The following OTOF variants were observed in gnomAD, a reference collection of about 807,000 sequenced individuals.
OTOF encodes fer-1-like family member 2.
In OTOF, 218 loss-of-function variants were observed where a neutral mutation model predicts 236.8. The observed-to-expected ratio is 0.92, with a 90% CI of 0.82 to 1.03. The LOEUF (loss-of-function observed/expected upper bound fraction) is 1.03. OTOF is among the 50% of genes least tolerant of loss of function. The pLI is 0.00. For synonymous variants in OTOF, 1,041 were observed against 1,072.5 expected, an observed-to-expected ratio of 0.97 and a Z score of 0.57; for missense variants, 2,590 against 2,694.4, an observed-to-expected ratio of 0.96 and a Z score of 0.86.
intron 6 of OTOF, among the ~76,000 whole-genome samples, chr2:26,502,819 T>C (rs114067202): frequency 2.2e-3 from 334 of 152,312 alleles, no homozygotes; most frequent in African/African-American, 7.6e-3. Context: ...CTATCTCTAG[T>C]CCTTAGAGCT....
Position 26,489,808 on chromosome 2 carries a change from C to G in OTOF, c.898-68G>C, listed in dbSNP as rs1213729294. On this transcript the variant is annotated intron_variant, in intron 9 of 46. Transcript: ENST00000272371. Reference sequence around the variant, plus strand: ...AGCAACAGCCCAGGCAGTGTTGGGCCCCTCCCTCCTCGCAGGGCCTGTCTG... The same window carrying G: ...AGCAACAGCCCAGGCAGTGTTGGGCGCCTCCCTCCTCGCAGGGCCTGTCTG... 12 of 1,235,264 alleles carry G rather than the reference C, an allele frequency of 9.7e-6. 1 individual carries two copies. The South Asian group carries it at 1.4e-4, about 15-fold the overall frequency. The allele number at this position is 1,235,264 out of a possible 1,614,324, so 76.5% of individuals were successfully genotyped here. A position where few individuals can be genotyped will look rare whatever the true frequency, so the allele number is the denominator to read the frequency against.
rs138002095 is a variant in OTOF, at chr2:26,543,462, T to A, written c.80-5688A>T. On this transcript the variant is annotated intron_variant, in intron 1 of 46. Coordinates refer to ENST00000272371, the MANE Select transcript of OTOF (RefSeq NM_194248.3). Reference sequence around the variant, plus strand: ...AAAGTCTAAGTAAAGCATCAAGTCCTTTACAAGCACGAGGGGGCATGGGAT... The same window carrying A: ...AAAGTCTAAGTAAAGCATCAAGTCCATTACAAGCACGAGGGGGCATGGGAT... 4.6e-3 allele frequency among the ~76,000 whole-genome samples: 693 copies of A among 152,278 alleles called. 5 individuals are homozygous for A. Among genetic ancestry groups the A allele is most frequent in the Non-Finnish European group, 7.9e-3 (539 of 68,024 alleles).
intron 1 of OTOF, among the ~76,000 whole-genome samples, chr2:26,548,814 C>G (rs979361964): frequency 6.6e-6 from 1 of 152,194 alleles, no homozygotes; most frequent in African/African-American, 2.4e-5. Context: ...TGTAAGTACA[C>G]TCTATGATGT....
At chr2:26,493,643 A>G (rs924467872) in intron 9 of OTOF, among the ~76,000 whole-genome samples, 1 of 152,206 alleles carries the variant, frequency 6.6e-6, no homozygotes, top group Non-Finnish European at 1.5e-5. Flanking sequence ...CGGCTCATGC[A>G]CCTAGAAGGA....
chr2:26,546,391 G>A (rs1046237670), intron 1 of OTOF, among the ~76,000 whole-genome samples: 14 of 151,948 alleles, frequency 9.2e-5, no homozygotes, highest in Non-Finnish European at 1.9e-4. Context: ...AACCCGGGAG[G>A]TGGAGGTTGC....
At chr2:26,503,716 G>C (rs1666176809) in intron 6 of OTOF, 56 bp downstream of exon 6, 4 of 1,499,204 alleles carry the variant, frequency 2.7e-6, no homozygotes, top group Non-Finnish European at 3.7e-6. Context: ...GCTGGAAAGC[G>C]GCGGGAGGGC....
In OTOF at chr2:26,494,927, C is replaced by T; in HGVS notation, c.897+15G>A. 1 of 1,614,150 alleles carries T rather than the reference C, an allele frequency of 6.2e-7. No individual in the cohort carries two copies. The highest frequency in any genetic ancestry group is 8.5e-7 in the Non-Finnish European group (1 of 1,180,000). On this transcript the variant is annotated intron_variant, in intron 9 of 46. Transcript: ENST00000272371. ...CCATATTTACAGAGGCTCCTTTCCCCACAGGGCCACTGACCTCGTTGTAAT... is the reference window on the plus strand; with the variant it reads ...CCATATTTACAGAGGCTCCTTTCCCTACAGGGCCACTGACCTCGTTGTAAT...
At chr2:26,523,828 G>T (rs1179182080) in intron 3 of OTOF, among the ~76,000 whole-genome samples, 1 of 152,234 alleles carries the variant, frequency 6.6e-6, no homozygotes, top group African/African-American at 2.4e-5. Flanking sequence ...GGAGCCTGGG[G>T]TCTGAACTGG....
At chr2:26,513,286 C>T (rs1457187981) in intron 5 of OTOF, among the ~76,000 whole-genome samples, 1 of 152,144 alleles carries the variant, frequency 6.6e-6, no homozygotes, top group Non-Finnish European at 1.5e-5. Flanking sequence ...CCATCTGACC[C>T]CCAGAGTGAG....
At chr2:26,482,686 G>T in intron 13 of OTOF, 94 bp from the exon 14 acceptor site, 1 of 1,041,844 alleles carries the variant, frequency 9.6e-7, no homozygotes, top group Non-Finnish European at 1.4e-6. Flanking sequence ...TGCGTGAGTG[G>T]GCACATGTGT....
Position 26,475,262 on chromosome 2 carries a change from G to A in OTOF, c.3126+97C>T, listed in dbSNP as rs552227879. Reference sequence around the variant, plus strand: ...GGCCAAGGAGCTCTGCAGGTGGGTGGCGGAGGTGAGGGCACAGCCTCAGCG... The same window carrying A: ...GGCCAAGGAGCTCTGCAGGTGGGTGACGGAGGTGAGGGCACAGCCTCAGCG... On this transcript the variant is annotated intron_variant, in intron 25 of 46. Transcript: ENST00000272371. 397 of 1,384,358 alleles carry A rather than the reference G, an allele frequency of 2.9e-4. 1 individual carries two copies. Among genetic ancestry groups the A allele is most frequent in the Non-Finnish European group, 3.9e-4 (376 of 976,390 alleles). 85.8% of individuals were successfully genotyped at this position (1,384,358 alleles called of 1,614,324 possible). A position where few individuals can be genotyped will look rare whatever the true frequency, so the allele number is the denominator to read the frequency against.
At chr2:26,459,552 CAAAA>C (rs58695074) in intron 46 of OTOF, among the ~76,000 whole-genome samples, 5 of 69,114 alleles carry the variant, frequency 7.2e-5, no homozygotes, top group Non-Finnish European at 1.5e-4. Flanking sequence ...ACTCTGTCTC[CAAAA>C]AAAAAAAAAA....
At chr2:26,478,396 T>A (rs1289633276) in intron 18 of OTOF, among the ~76,000 whole-genome samples, 2 of 152,138 alleles carry the variant, frequency 1.3e-5, no homozygotes, top group Non-Finnish European at 2.9e-5. Context: ...TAGCCTTGAT[T>A]TTTTTGGAGG....
In OTOF at chr2:26,460,194, G is replaced by A. The variant is rs777222994; in HGVS notation, c.5825C>T (p.Thr1942Met). The A allele has an allele frequency of 1.2e-5, 20 of 1,603,266 alleles. No homozygotes were observed. The highest frequency in any genetic ancestry group is 2.1e-4 in the Middle Eastern group (1 of 4,688). ...AGGGTTCAGGAACCAGATGAAGCTC[G>A]TGTCGGGCCGGCTGGAGTATGAAGG... The part of the protein sequence containing the change: ...DPLEKPNRPD[T>M]SFIWFLNPLK... Residue 1942 changes from threonine (T) to methionine (M), a missense_variant, in exon 46 of 47, where the codon ACG (threonine) becomes ATG (methionine). Thr to Met is a moderately conservative substitution (Grantham distance 81). This residue lies in a region of OTOF where 1,211 missense variants were observed against 1,352.8 expected (regional missense o/e 0.90). Transcript: ENST00000272371. This position sits in a 1 kb window ranked among gnomAD's most constrained non-coding sequence, Gnocchi z 5.3.
chr2:26,520,834 C>T (rs1666659746), intron 3 of OTOF, among the ~76,000 whole-genome samples: 1 of 152,206 alleles, frequency 6.6e-6, no homozygotes, highest in Admixed American at 6.5e-5. Flanking sequence ...TGCAGCCTCA[C>T]CCCTTTTTGT....
rs765083847 is a variant in OTOF at position 26,480,224 on chromosome 2, T to A, written c.1891A>T (p.Ile631Phe). Residue 631 changes from isoleucine to phenylalanine, a missense_variant, in exon 16 of 47, where the codon ATC becomes TTC. Transcript: ENST00000272371. Reference protein sequence around the residue: ...MIDRRNGDKPITFEVTIGNYG... With the variant: ...MIDRRNGDKPFTFEVTIGNYG... Reference sequence around the variant, plus strand: ...TCACCTATGGTGACCTCAAAGGTGATGGGCTTGTCTCCGTTTCTCCGGTCG... The same window carrying A: ...TCACCTATGGTGACCTCAAAGGTGAAGGGCTTGTCTCCGTTTCTCCGGTCG... The A allele has an allele frequency of 1.9e-5, 30 of 1,611,562 alleles. No homozygotes were observed. The highest frequency in any genetic ancestry group is 2.4e-5 in the Non-Finnish European group (28 of 1,178,374).
chr2:26,464,460 G>A (rs1664631531), intron 39 of OTOF, among the ~76,000 whole-genome samples: 1 of 152,116 alleles, frequency 6.6e-6, no homozygotes, highest in Non-Finnish European at 1.5e-5. Context: ...GCTTCTCTGG[G>A]AAGTGCCTCA....
chr2:26,488,593 C>T (rs1490522956), intron 11 of OTOF, among the ~76,000 whole-genome samples: 1 of 152,230 alleles, frequency 6.6e-6, no homozygotes, highest in Non-Finnish European at 1.5e-5. Flanking sequence ...ACCAGAGTCC[C>T]TCAGAGGCCG....
intron 31 of OTOF, 100 bp downstream of exon 31, chr2:26,471,015 GGGGGCT>G: frequency 7.1e-7 from 1 of 1,417,228 alleles, no homozygotes; most frequent in Non-Finnish European, 1.0e-6. Context: ...CCAAGCATGC[GGGGGCT>G]GGGGCTGGCT....
Sources: allele counts gnomAD v4.1 joint callset (sites outside exome capture counted in the v4.1 genomes callset), GRCh38; gene constraint gnomAD v4.1.1; regional missense constraint gnomAD v4.1.1; non-coding constraint Gnocchi (gnomAD v3.1); transcripts MANE v1.5; gene names NCBI Gene and HGNC (gene_info 2026-07-23, HGNC 2026-07-21).